The following XPR1 variants were observed in gnomAD, a reference collection of about 807,000 sequenced individuals.
XPR1 encodes xenotropic and polytropic retrovirus receptor 1.
XPR1 carries 28 observed loss-of-function variants against 87.5 expected under a neutral mutation model. The observed-to-expected ratio is 0.32, with a 90% CI of 0.24 to 0.44. The LOEUF (loss-of-function observed/expected upper bound fraction) is 0.44. Ranked by LOEUF, XPR1 falls within the 20% of genes least tolerant of loss-of-function variation. The pLI is 1.00. For synonymous variants in XPR1, 300 were observed against 306.1 expected (o/e 0.98, Z 0.21); for missense variants, 559 against 862.3 (o/e 0.65, Z 4.41).
Position 180,826,401 on chromosome 1 carries a change from A to C in XPR1, c.1134+1057A>C, listed in dbSNP as rs76917723. Reference sequence around the variant, plus strand: ...CCCTGTTTACAAAAATTAAAAAATTAGCTGGGTGTGATGGTGCACACCTGT... The same window carrying C: ...CCCTGTTTACAAAAATTAAAAAATTCGCTGGGTGTGATGGTGCACACCTGT... On this transcript the variant is annotated intron_variant, in intron 9 of 14. Transcript: ENST00000367590. Among the ~76,000 whole-genome samples, 595 of 152,228 alleles carry C rather than the reference A, an allele frequency of 3.9e-3. 5 individuals are homozygous for C. The highest frequency in any genetic ancestry group is 0.014 in the African/African-American group (562 of 41,542).
At chr1:180,766,551 T>C (rs145082647) in intron 2 of XPR1, among the ~76,000 whole-genome samples, 198 of 152,220 alleles carry the variant, frequency 1.3e-3, no homozygotes, top group African/African-American at 4.5e-3. Context: ...TAGAAGAAAT[T>C]GTCGTCACAA....
At position 180,807,839 on chromosome 1, in the gene XPR1, G is replaced by A. The variant is rs181105559; in HGVS notation, c.681+1282G>A. On this transcript the variant is annotated intron_variant, in intron 6 of 14. Transcript: ENST00000367590. The stretch of plus-strand genomic sequence containing the variant: ...GGCCAACATGATGAAACCCCATCTC[G>A]ACTAAAATACAAAAATTAGCTGGGC... Among the ~76,000 whole-genome samples the A allele has an allele frequency of 5.1e-4, 78 of 152,024 alleles. 1 individual carries two copies. Among genetic ancestry groups the A allele is most frequent in the Non-Finnish European group, 1.9e-4 (13 of 67,952 alleles).
Position 180,765,763 on chromosome 1 carries a change from AGTTGGTTGAATCTGAG to A in XPR1, c.122-21977_122-21962del, listed in dbSNP as rs1204396383. On this transcript the variant is annotated intron_variant, in intron 2 of 14. Coordinates refer to ENST00000367590, the MANE Select transcript of XPR1 (RefSeq NM_004736.4). Reference sequence around the variant, plus strand: ...TTTTTTCCAAATATTTTCGTTCTGCAGTTGGTTGAATCTGAGGTTGGTTGAATCCAAGGATGGGGAA... The same window carrying A: ...TTTTTTCCAAATATTTTCGTTCTGCAGTTGGTTGAATCCAAGGATGGGGAA... Among the ~76,000 whole-genome samples, 16 of 150,618 alleles carry A rather than the reference AGTTGGTTGAATCTGAG, an allele frequency of 1.1e-4. No individual in the cohort carries two copies. The East Asian group carries it at 3.1e-3, about 30-fold the overall frequency.
intron 1 of XPR1, among the ~76,000 whole-genome samples, chr1:180,644,708 G>A (rs1200970246): frequency 2.0e-5 from 3 of 152,044 alleles, no homozygotes; most frequent in Admixed American, 6.6e-5. Context: ...TGGCACCAGG[G>A]ACCGGTTTTG....
chr1:180,825,173 A>G lies in XPR1; in HGVS notation c.963A>G (p.Gly321=). The change falls in exon 9 of 15, where the codon GGA becomes GGG. Residue 321 remains glycine (G), a synonymous_variant. Transcript: ENST00000367590. ...TCCCCATCCTTTACTAGATTGCTGG[A>G]TTCCTCGGGATATTGTGGTGCCTGA... The part of the protein sequence containing the change: ...LSHQHLFEIA[G]FLGILWCLSL... 1 of 1,604,548 alleles carries G rather than the reference A, an allele frequency of 6.2e-7. No individual in the cohort carries two copies. The highest frequency in any genetic ancestry group is 8.5e-7 in the Non-Finnish European group (1 of 1,177,494).
chr1:180,728,140 G>T (rs16856405), intron 2 of XPR1, among the ~76,000 whole-genome samples: 5,170 of 152,146 alleles, frequency 0.034, 131 homozygotes, highest in African/African-American at 0.07. Context: ...AAAGCAAAAG[G>T]ATTTACATTT....
intron 1 of XPR1, among the ~76,000 whole-genome samples, chr1:180,655,048 A>C (rs924814411): frequency 7.9e-5 from 12 of 152,148 alleles, no homozygotes; most frequent in Non-Finnish European, 5.9e-5. Context: ...CATTTCCACC[A>C]ACAGTGCACA....
chr1:180,825,487 A>G lies in XPR1; in HGVS notation c.1134+143A>G, dbSNP rs1650796530. ...TTTATGTGAGTGGAGGCCCTGGGAA[A>G]AAGTACTCACGTATATTTTCCTCCT... is the stretch of plus-strand genomic sequence containing the variant. On this transcript the variant is annotated intron_variant, in intron 9 of 14. Transcript: ENST00000367590. 4 of 784,476 alleles carry G rather than the reference A, an allele frequency of 5.1e-6. No individual in the cohort carries two copies. In the East Asian group the frequency reaches 1.2e-4, roughly 24 times the overall value. The allele number at this position is 784,476 out of a possible 1,614,324, so 48.6% of individuals were successfully genotyped here. A position where few individuals can be genotyped will look rare whatever the true frequency, so the allele number is the denominator to read the frequency against.
intron 4 of XPR1, among the ~76,000 whole-genome samples, 162 bp from the exon 5 acceptor site, chr1:180,805,898 GAA>G (rs760367659): frequency 2.0e-4 from 31 of 152,280 alleles, no homozygotes; most frequent in African/African-American, 5.5e-4. Context: ...GAATAAAAAA[GAA>G]GAGTCATCCT....
At chr1:180,687,917 T>C (rs1183602270) in intron 2 of XPR1, among the ~76,000 whole-genome samples, 2 of 151,842 alleles carry the variant, frequency 1.3e-5, no homozygotes, top group Admixed American at 6.6e-5. Flanking sequence ...ATTTCTGATA[T>C]AATTCTGATA....
Position 180,811,440 on chromosome 1 carries a change from C to T in XPR1, c.715C>T (p.Leu239=). The T allele has an allele frequency of 6.2e-7, 1 of 1,613,304 alleles. No homozygotes were observed. Among genetic ancestry groups the T allele is most frequent in the South Asian group, 1.1e-5 (1 of 90,918 alleles). The stretch of plus-strand genomic sequence containing the variant: ...AGCATGGACTACTTTTAGAGTTGGC[C>T]TATTTTGTGGAATATTCATTGTACT... ...APAWTTFRVG[L]FCGIFIVLNI... is the part of the protein sequence containing the mutation. The change falls in exon 7 of 15, where the codon CTA becomes TTA. Residue 239 remains leucine, a synonymous_variant. Transcript: ENST00000367590.
Position 180,797,135 on chromosome 1 carries a change from G to A in XPR1, c.224-6253G>A, listed in dbSNP as rs79243766. Among the ~76,000 whole-genome samples the A allele has an allele frequency of 1.6e-3, 245 of 152,264 alleles. 1 individual carries two copies. The highest frequency in any genetic ancestry group is 5.6e-3 in the African/African-American group (231 of 41,544). On this transcript the variant is annotated intron_variant, in intron 3 of 14. Transcript: ENST00000367590. ...TTTACTGAAAGTCAATGAATTGCAT[G>A]TTTACAGTAGATGAATCCTATGGTA...
In XPR1 at chr1:180,885,629, C is replaced by T. The variant is rs1047151315; in HGVS notation, c.*1563C>T. On this transcript the variant is annotated 3_prime_UTR_variant, in exon 15 of 15. Transcript: ENST00000367590. ...TGGTAAAATGTGTTTTAATAACCCC[C>T]AGACCCAAATGAAAATTTCAAAGTC... is the stretch of plus-strand genomic sequence containing the variant. 1 of 152,168 alleles carries T rather than the reference C, an allele frequency of 6.6e-6. No individual in the cohort carries two copies. Among genetic ancestry groups the T allele is most frequent in the African/African-American group, 2.4e-5 (1 of 41,440 alleles). 9.4% of individuals were successfully genotyped at this position (152,168 alleles called of 1,614,324 possible). A position where few individuals can be genotyped will look rare whatever the true frequency, so the allele number is the denominator to read the frequency against.
intron 11 of XPR1, among the ~76,000 whole-genome samples, chr1:180,854,208 A>G (rs1651963395): frequency 6.6e-6 from 1 of 152,256 alleles, no homozygotes; most frequent in Non-Finnish European, 1.5e-5. Flanking sequence ...AGCAAAAGGA[A>G]AGCTTTATTT....
intron 11 of XPR1, among the ~76,000 whole-genome samples, chr1:180,840,745 TTAAC>T (rs1258783536): frequency 1.3e-5 from 2 of 151,916 alleles, no homozygotes; most frequent in East Asian, 1.9e-4. Flanking sequence ...ACTAAAATTT[TTAAC>T]TAAAAAGCTT....
chr1:180,848,811 T>A (rs1384747396), intron 11 of XPR1, among the ~76,000 whole-genome samples: 1 of 152,138 alleles, frequency 6.6e-6, no homozygotes, highest in Non-Finnish European at 1.5e-5. Context: ...AATAAAATGT[T>A]TGCAGCTAGA....
chr1:180,865,546 G>A (rs186637793), intron 12 of XPR1, among the ~76,000 whole-genome samples: 165 of 152,034 alleles, frequency 1.1e-3, no homozygotes, highest in African/African-American at 3.8e-3. Flanking sequence ...GACTACAGGC[G>A]CCCGCCACCA....
intron 2 of XPR1, among the ~76,000 whole-genome samples, chr1:180,738,823 G>A (rs1658820798): frequency 6.6e-6 from 1 of 152,134 alleles, no homozygotes. Flanking sequence ...TTTTGTCCAA[G>A]TCTGTAGATT....
chr1:180,884,188 G>A lies in XPR1; in HGVS notation c.*122G>A. On this transcript the variant is annotated 3_prime_UTR_variant, in exon 15 of 15. Coordinates refer to ENST00000367590, the MANE Select transcript of XPR1 (RefSeq NM_004736.4). ...AGAAAACACATAACACATTTTCCGA[G>A]CTCTTCCGGATCGGATCCTATGGAC... 1 of 734,106 alleles carries A rather than the reference G, an allele frequency of 1.4e-6. No individual in the cohort carries two copies. Among genetic ancestry groups the A allele is most frequent in the South Asian group, 2.4e-5 (1 of 42,202 alleles). The allele number at this position is 734,106 out of a possible 1,614,324, so 45.5% of individuals were successfully genotyped here. A position where few individuals can be genotyped will look rare whatever the true frequency, so the allele number is the denominator to read the frequency against.
Sources: gnomAD v4.1 joint callset for allele counts (sites outside exome capture counted in the v4.1 genomes callset) on GRCh38, gnomAD v4.1.1 for gene constraint, MANE v1.5 for transcripts, NCBI Gene and HGNC (gene_info 2026-07-23, HGNC 2026-07-21) for gene names.